The following RBFOX2 variants were observed in gnomAD, a reference collection of about 807,000 sequenced individuals.
RBFOX2 encodes RNA binding fox-1 homolog 2.
A neutral mutation model predicts 49.1 loss-of-function variants in RBFOX2; 10 were observed. That is an observed-to-expected ratio of 0.20 (90% confidence interval 0.13 to 0.35). The LOEUF (loss-of-function observed/expected upper bound fraction) is 0.35. Among genes scored for constraint, RBFOX2 ranks in the 10% least tolerant of loss-of-function variants. RBFOX2 has a pLI of 1.00. For missense variants in RBFOX2, 323 were observed against 486.9 expected (o/e 0.66, Z 3.17); for synonymous variants, 183 against 187.4 (o/e 0.98, Z 0.19).
At chr22:36,026,541 T>TACAGACATACACAC (rs5845246) in intron 1 of RBFOX2, among the ~76,000 whole-genome samples, 22 of 136,564 alleles carry the variant, frequency 1.6e-4, no homozygotes, top group African/African-American at 6.2e-4. Context: ...AATGAATACA[T>TACAGACATACACAC]ACACACACAC....
chr22:36,014,169 T>A, intron 1 of RBFOX2, among the ~76,000 whole-genome samples: 1 of 151,932 alleles, frequency 6.6e-6, no homozygotes, highest in East Asian at 1.9e-4. Flanking sequence ...TCGCCCAGGC[T>A]GGAGTGCAGT....
chr22:35,789,011 C>T (rs369754480), intron 2 of RBFOX2, among the ~76,000 whole-genome samples: 21 of 152,020 alleles, frequency 1.4e-4, no homozygotes, highest in African/African-American at 4.1e-4. Context: ...GGATATAGGT[C>T]CTTAATCTCT....
At chr22:35,994,413 A>ATTTATTTATTTATTTATTTT (rs1556519982) in intron 1 of RBFOX2, 2 of 149,848 alleles carry the variant, frequency 1.3e-5, no homozygotes, top group African/African-American at 4.9e-5. Flanking sequence ...TTATTTATTT[A>ATTTATTTATTTATTTATTTT]TTTATTTTTT....
At chr22:35,879,506 T>C (rs1016495911) in intron 1 of RBFOX2, among the ~76,000 whole-genome samples, 14 of 152,194 alleles carry the variant, frequency 9.2e-5, no homozygotes, top group African/African-American at 3.4e-4. Flanking sequence ...TAAGAGGCTC[T>C]GGAACCAACC....
intron 1 of RBFOX2, among the ~76,000 whole-genome samples, chr22:36,007,371 C>T (rs1339788265): frequency 1.3e-5 from 2 of 151,924 alleles, no homozygotes; most frequent in African/African-American, 4.8e-5. Context: ...GACCATGCGC[C>T]ACCACACAAG....
intron 1 of RBFOX2, among the ~76,000 whole-genome samples, chr22:35,912,282 G>A (rs1438774420): frequency 6.6e-6 from 1 of 152,182 alleles, no homozygotes; most frequent in East Asian, 1.9e-4. Flanking sequence ...GAGGAAGGGA[G>A]AAGAACATGA....
At chr22:35,822,688 T>C in intron 1 of RBFOX2, 1 of 367,038 alleles carries the variant, frequency 2.7e-6, no homozygotes. Flanking sequence ...ATGCCCTCCC[T>C]CTCCATCCCC....
chr22:35,842,205 T>G (rs2040589711), upstream of RBFOX2, among the ~76,000 whole-genome samples: 1 of 152,224 alleles, frequency 6.6e-6, no homozygotes, highest in South Asian at 2.1e-4. Flanking sequence ...GAAACTGATG[T>G]AACATAGTAT....
chr22:35,849,581 A>G (rs1399705317), intron 1 of RBFOX2, among the ~76,000 whole-genome samples: 1 of 152,200 alleles, frequency 6.6e-6, no homozygotes, highest in Non-Finnish European at 1.5e-5. Flanking sequence ...CCTGGACAAC[A>G]GGATATTGAT....
chr22:35,936,441 G>C (rs1836764321), intron 1 of RBFOX2, among the ~76,000 whole-genome samples: 1 of 152,064 alleles, frequency 6.6e-6, no homozygotes, highest in Non-Finnish European at 1.5e-5. Flanking sequence ...AACGCAAAGT[G>C]AGAGTTCACA....
intron 1 of RBFOX2, among the ~76,000 whole-genome samples, chr22:36,014,730 A>G (rs2058967763): frequency 6.6e-6 from 1 of 152,194 alleles, no homozygotes; most frequent in South Asian, 2.1e-4. Context: ...CTAGAGAAAG[A>G]AACGCAGAGT....
In RBFOX2 at chr22:35,850,508, A is replaced by C. The variant is rs1046644124; in HGVS notation, c.-33-40504T>G. On this transcript the variant is annotated intron_variant, in intron 1 of 13. Transcript: ENST00000359369. ...GGAGGCCTCCAGATATGCAGGGTACACTTGCTCAGCTGTTCCAGTCAAACT... is the reference window on the plus strand; with the variant it reads ...GGAGGCCTCCAGATATGCAGGGTACCCTTGCTCAGCTGTTCCAGTCAAACT... Among the ~76,000 whole-genome samples the C allele has an allele frequency of 2.0e-5, 3 of 152,230 alleles. No individual in the cohort carries two copies. In the East Asian group the frequency reaches 5.8e-4, roughly 29 times the overall value.
intron 1 of RBFOX2, among the ~76,000 whole-genome samples, chr22:35,878,170 G>A (rs2045405889): frequency 6.6e-6 from 1 of 151,992 alleles, no homozygotes; most frequent in South Asian, 2.1e-4. Flanking sequence ...GCCGAGGTTG[G>A]TGGATCCCCT....
In RBFOX2 at chr22:35,915,500, G is replaced by C. The variant is rs1021592123; in HGVS notation, c.-34+23347C>G. On this transcript the variant is annotated intron_variant, in intron 1 of 13. Coordinates refer to the RBFOX2 transcript ENST00000359369. ...CTTTTGTTTTATGCAGAGAATCAGAGAGGCAGCCGCTCTCCCTGAGTACAC... is the reference window on the plus strand; with the variant it reads ...CTTTTGTTTTATGCAGAGAATCAGACAGGCAGCCGCTCTCCCTGAGTACAC... Among the ~76,000 whole-genome samples, 2 of 152,266 alleles carry C rather than the reference G, an allele frequency of 1.3e-5. 1 individual carries two copies. The highest frequency in any genetic ancestry group is 6.8e-3 in the Middle Eastern group (2 of 294).
rs575948862 is a variant in RBFOX2 at position 35,825,965 on chromosome 22, C to G, written c.27+14227G>C. Among the ~76,000 whole-genome samples, 13 of 104,332 alleles carry G rather than the reference C, an allele frequency of 1.2e-4. No individual in the cohort carries two copies. In the South Asian group the frequency reaches 2.4e-3, roughly 19 times the overall value. The allele number at this position is 104,332 out of a possible 152,430, so 68.4% of individuals were successfully genotyped here. ...CCATTGCACTCCAGCCTGGGCAAGACAGTGAGACTCCGCTTCAAAAAAAAA... is the reference window on the plus strand; with the variant it reads ...CCATTGCACTCCAGCCTGGGCAAGAGAGTGAGACTCCGCTTCAAAAAAAAA... On this transcript the variant is annotated intron_variant, in intron 1 of 11. Coordinates refer to ENST00000405409, the Ensembl canonical transcript of RBFOX2.
At chr22:35,939,233 C>A (rs1244330453), upstream of RBFOX2, 1 of 504,042 alleles carries the variant, frequency 2.0e-6, no homozygotes, top group Admixed American at 2.3e-5. Flanking sequence ...GGGACTTCAG[C>A]ATCCCCAGCC....
At chr22:35,947,672 T>TAAAAAAAAAAAAAAAAAAAAAA (rs559788717) in intron 1 of RBFOX2, among the ~76,000 whole-genome samples, 2 of 34,144 alleles carry the variant, frequency 5.9e-5, no homozygotes, top group Non-Finnish European at 5.5e-5. Context: ...GTTTAAAAAG[T>TAAAAAAAAAAAAAAAAAAAAAA]AAAAAAAAAA....
At chr22:35,902,280 G>C (rs1377240204) in intron 1 of RBFOX2, among the ~76,000 whole-genome samples, 1 of 151,930 alleles carries the variant, frequency 6.6e-6, no homozygotes, top group East Asian at 1.9e-4. Context: ...CACCCTCTTT[G>C]TCCAATTTTG....
chr22:35,938,895 G>C lies in RBFOX2; in HGVS notation c.-82C>G, dbSNP rs756735212. The C allele has an allele frequency of 2.5e-6, 4 of 1,613,310 alleles. No homozygotes were observed. The South Asian group carries it at 4.4e-5, about 18-fold the overall frequency. On this transcript the variant is annotated 5_prime_UTR_variant, in exon 1 of 14. Transcript: ENST00000359369. ...CATGATAACCTGGAGTCAGAGGCTC[G>C]TTCTATGAGAAAGACAAGAAAAATA...
Sources: gnomAD v4.1 joint callset for allele counts (sites outside exome capture counted in the v4.1 genomes callset) on GRCh38, gnomAD v4.1.1 for gene constraint, MANE v1.5 for transcripts, NCBI Gene and HGNC (gene_info 2026-07-23, HGNC 2026-07-21) for gene names.